TCF4: variants seen among roughly 807,000 people sequenced by gnomAD.
TCF4 encodes the protein SL3-3 enhancer factor 2.
In TCF4, 3 loss-of-function variants were observed where a neutral mutation model predicts 82.1. The ratio of observed to expected loss-of-function variants is 0.04; its 90% confidence interval spans 0.02 to 0.09. TCF4 has a LOEUF of 0.09. Among genes scored for constraint, TCF4 ranks in the 10% least tolerant of loss-of-function variants. The probability of loss-of-function intolerance (pLI) is 1.00; values close to 1 mark genes in which losing one functional copy is unlikely to be tolerated. For synonymous variants in TCF4, 276 were observed against 309.6 expected (o/e 0.89, Z 1.14); for missense variants, 518 against 852.7 (o/e 0.61, Z 4.89).
intron 6 of TCF4, among the ~76,000 whole-genome samples, chr18:55,355,262 C>A (rs1248944387): frequency 1.3e-5 from 2 of 152,170 alleles, no homozygotes; most frequent in Non-Finnish European, 2.9e-5. Context: ...GCAAAATACA[C>A]ATTGAGTGAA....
In TCF4 at chr18:55,225,227, C is replaced by A. The variant is rs1054583683; in HGVS notation, c.*2808G>T. On this transcript the variant is annotated 3_prime_UTR_variant, in exon 20 of 20. Coordinates refer to ENST00000354452, the MANE Select transcript of TCF4 (RefSeq NM_001083962.2). ...AGGGAATTCAACAATAGAGGTATTG[C>A]ATTACTGAGTAATGAATACATCAAA... 6.6e-6 allele frequency: 1 copy of A among 152,516 alleles called. No homozygotes were observed. The highest frequency in any genetic ancestry group is 1.5e-5 in the Non-Finnish European group (1 of 67,966). The allele number at this position is 152,516 out of a possible 1,614,324, so 9.4% of individuals were successfully genotyped here. A position where few individuals can be genotyped will look rare whatever the true frequency, so the allele number is the denominator to read the frequency against.
chr18:55,533,170 C>G (rs186064862), intron 3 of TCF4, among the ~76,000 whole-genome samples: 1 of 152,250 alleles, frequency 6.6e-6, no homozygotes, highest in Non-Finnish European at 1.5e-5. Flanking sequence ...AGAAACACCC[C>G]TGATTAAAGT....
chr18:55,585,273 T>G lies in TCF4; in HGVS notation c.145+7A>C. The G allele has an allele frequency of 6.2e-7, 1 of 1,613,152 alleles. No individual in the cohort carries two copies. The highest frequency in any genetic ancestry group is 2.2e-5 in the East Asian group (1 of 44,830). ...TTAACTTAACACTAAGAAAAGAATT[T>G]ACATACTTGAGCCAGTAAAATGTCC... On this transcript the variant is annotated splice_region_variant and intron_variant, in intron 3 of 19. Transcript: ENST00000354452.
At chr18:55,478,080 A>G (rs2958181) in intron 3 of TCF4, among the ~76,000 whole-genome samples, 149,670 of 152,310 alleles carry the variant, frequency 0.98, 73,600 homozygotes, top group Middle Eastern at 1. Flanking sequence ...CGATAACCAG[A>G]CATCTTGAGA....
chr18:55,623,925 CA>C (rs1235919316), intron 2 of TCF4, among the ~76,000 whole-genome samples: 1 of 152,112 alleles, frequency 6.6e-6, no homozygotes, highest in Non-Finnish European at 1.5e-5. Flanking sequence ...GAGGATATTG[CA>C]ATATCCTTTA....
chr18:55,259,893 G>C (rs764927931), intron 13 of TCF4, 56 bp downstream of exon 13: 11 of 1,440,760 alleles, frequency 7.6e-6, no homozygotes, highest in Admixed American at 5.0e-5. Context: ...GAAGTACAAG[G>C]GGGGAATCAT....
intron 5 of TCF4, among the ~76,000 whole-genome samples, chr18:55,411,865 C>T (rs1237069102): frequency 1.3e-5 from 2 of 152,126 alleles, no homozygotes; most frequent in Non-Finnish European, 2.9e-5. Flanking sequence ...CTCAGCCTCC[C>T]GAGTAGCTGG....
intron 15 of TCF4, among the ~76,000 whole-genome samples, chr18:55,246,216 G>C (rs1156728119): frequency 1.3e-5 from 2 of 148,544 alleles, no homozygotes; most frequent in African/African-American, 2.5e-5. Flanking sequence ...AGGTTATAGG[G>C]TCTATTTTAA....
rs539964551 is a variant in TCF4 at position 55,337,744 on chromosome 18, T to C, written c.549+12615A>G. On this transcript the variant is annotated intron_variant, in intron 8 of 19. Transcript: ENST00000354452. ...GGAGTATCCCTTCAAGTGCACTATA[T>C]ATTATTCTTTGGTATTATTGCCTTA... 6.6e-5 allele frequency among the ~76,000 whole-genome samples: 10 copies of C among 152,242 alleles called. No individual in the cohort carries two copies. The East Asian group carries it at 1.9e-3, about 29-fold the overall frequency.
At chr18:55,260,299 G>GT (rs1300854892) in intron 12 of TCF4, among the ~76,000 whole-genome samples, 2 of 152,184 alleles carry the variant, frequency 1.3e-5, no homozygotes, top group East Asian at 1.9e-4. Flanking sequence ...CCTACTGGCT[G>GT]TGTGGCTATG....
Position 55,229,033 on chromosome 18 carries a change from G to A in TCF4, c.1693C>T (p.Arg565Cys). 6.2e-7 allele frequency: 1 copy of A among 1,614,100 alleles called. No individual in the cohort carries two copies. The highest frequency in any genetic ancestry group is 8.5e-7 in the Non-Finnish European group (1 of 1,180,020). The change falls in exon 18 of 20, where the codon CGT becomes TGT. Residue 565 changes from arginine to cysteine, a missense_variant. By Grantham distance (180) the Arg-to-Cys change is radical. This residue lies in a region of TCF4 where 18 missense variants were observed against 116.7 expected (regional missense o/e 0.15). Coordinates refer to ENST00000354452, the MANE Select transcript of TCF4 (RefSeq NM_001083962.2). Reference protein sequence around the residue: ...EDLTPEQKAEREKERRMANNA... With the variant: ...EDLTPEQKAECEKERRMANNA... ...TTGGCCATCCTCCGCTCCTTCTCAC[G>A]CTCTGCCTTCTGCTCTGGTGTCAGG...
chr18:55,622,020 T>TAC (rs1233375329), intron 2 of TCF4, among the ~76,000 whole-genome samples: 1 of 134,684 alleles, frequency 7.4e-6, no homozygotes, highest in African/African-American at 2.8e-5. Flanking sequence ...ATATATTATA[T>TAC]ACACTATATA....
chr18:55,620,743 C>A (rs962309069), intron 2 of TCF4, among the ~76,000 whole-genome samples: 1 of 151,066 alleles, frequency 6.6e-6, no homozygotes, highest in African/African-American at 2.4e-5. Flanking sequence ...GATCAGTATT[C>A]TTTGTCGTCC....
intron 12 of TCF4, among the ~76,000 whole-genome samples, chr18:55,260,327 C>G (rs1472101559): frequency 6.7e-6 from 1 of 149,804 alleles, no homozygotes; most frequent in Non-Finnish European, 1.5e-5. Flanking sequence ...CAAGCAGATA[C>G]TTTGAACTTT....
intron 3 of TCF4, among the ~76,000 whole-genome samples, chr18:55,536,821 C>T (rs991236812): frequency 5.3e-5 from 8 of 152,190 alleles, no homozygotes. Context: ...TATGTATCTT[C>T]CATCATACTT....
intron 3 of TCF4, among the ~76,000 whole-genome samples, chr18:55,537,616 T>C (rs2097128409): frequency 6.6e-6 from 1 of 152,096 alleles, no homozygotes; most frequent in Non-Finnish European, 1.5e-5. Context: ...AAAAAAATTA[T>C]GCACTGCTAA....
At chr18:55,547,982 A>G (rs2097221074) in intron 3 of TCF4, among the ~76,000 whole-genome samples, 1 of 151,970 alleles carries the variant, frequency 6.6e-6, no homozygotes, top group Non-Finnish European at 1.5e-5. Flanking sequence ...CACCAACCCC[A>G]TCCTCCCCAT....
In TCF4 at chr18:55,535,298, A is replaced by C. The variant is rs558323093; in HGVS notation, c.145+49982T>G. On this transcript the variant is annotated intron_variant, in intron 3 of 19. Transcript: ENST00000354452. ...CAGCGGACTCAGCCTATGAAGATATAAGGGTCTGTCATAAATTGTTAAGGT... is the reference window on the plus strand; with the variant it reads ...CAGCGGACTCAGCCTATGAAGATATCAGGGTCTGTCATAAATTGTTAAGGT... Among the ~76,000 whole-genome samples, 62 of 152,294 alleles carry C rather than the reference A, an allele frequency of 4.1e-4. 1 individual carries two copies. The highest frequency in any genetic ancestry group is 1.4e-3 in the African/African-American group (59 of 41,576).
intron 10 of TCF4, 119 bp from the exon 11 acceptor site, chr18:55,270,082 A>G: frequency 7.8e-7 from 1 of 1,287,636 alleles, no homozygotes; most frequent in Non-Finnish European, 1.1e-6. Context: ...TAGAATTTCA[A>G]AATAGCCAAG....
Sources: allele counts gnomAD v4.1 joint callset (sites outside exome capture counted in the v4.1 genomes callset), GRCh38; gene constraint gnomAD v4.1.1; regional missense constraint gnomAD v4.1.1; transcripts MANE v1.5; gene names NCBI Gene and HGNC (gene_info 2026-07-23, HGNC 2026-07-21).